Variants in SDC2 observed in about 807,000 individuals in gnomAD.
The protein encoded by SDC2 is syndecan-2.
Under a neutral mutation model 22.2 loss-of-function variants are expected in SDC2, and 13 were observed. The ratio of observed to expected loss-of-function variants is 0.59; its 90% confidence interval spans 0.38 to 0.93. The LOEUF (loss-of-function observed/expected upper bound fraction) is 0.93, where lower values mean the gene tolerates loss of function less well. SDC2 is among the 40% of genes least tolerant of loss of function. SDC2 has a pLI of 0.00. For missense variants in SDC2, 235 were observed against 246.8 expected (o/e 0.95, Z 0.32); for synonymous variants, 94 against 92.8 (o/e 1.01, Z -0.07).
intron 3 of SDC2, among the ~76,000 whole-genome samples, chr8:96,603,562 T>G (rs1452226227): frequency 2.0e-5 from 3 of 152,210 alleles, no homozygotes; most frequent in Non-Finnish European, 4.4e-5. Flanking sequence ...TATGGAAGGC[T>G]GTTTGATGAA....
intron 1 of SDC2, among the ~76,000 whole-genome samples, chr8:96,513,417 A>G (rs923819091): frequency 3.3e-5 from 5 of 152,202 alleles, no homozygotes; most frequent in Non-Finnish European, 7.3e-5. Context: ...CTGAGCCTTC[A>G]CAGGCTGCTT....
intron 1 of SDC2, among the ~76,000 whole-genome samples, chr8:96,517,770 CAT>C (rs1491463400): frequency 2.2e-4 from 16 of 73,318 alleles, no homozygotes; most frequent in South Asian, 1.0e-3. Flanking sequence ...TGTGTGTGTG[CAT>C]GTGTGTGTGT....
intron 1 of SDC2, among the ~76,000 whole-genome samples, chr8:96,583,368 T>TCA (rs1814624834): frequency 7.2e-6 from 1 of 138,090 alleles, no homozygotes; most frequent in African/African-American, 2.6e-5. Context: ...ATATTATATA[T>TCA]CATATATAAA....
At chr8:96,562,342 A>C (rs1194127023) in intron 1 of SDC2, among the ~76,000 whole-genome samples, 1 of 152,148 alleles carries the variant, frequency 6.6e-6, no homozygotes, top group Non-Finnish European at 1.5e-5. Context: ...ACAGCCTTTC[A>C]GTGACTTAAT....
rs533997172 is a variant in SDC2 at position 96,608,153 on chromosome 8, A to G, written c.307-182A>G. 9.2e-5 allele frequency among the ~76,000 whole-genome samples: 14 copies of G among 152,306 alleles called. No homozygotes were observed. The South Asian group carries it at 2.9e-3, about 32-fold the overall frequency. The stretch of plus-strand genomic sequence containing the variant: ...GCGATGGGTGTTGTGCAAACCATGA[A>G]CTACATGGGTCCATCATGACACTCA... On this transcript the variant is annotated intron_variant, in intron 3 of 4. Coordinates refer to ENST00000302190, the MANE Select transcript of SDC2 (RefSeq NM_002998.4).
At chr8:96,564,149 C>A (rs1814256562) in intron 1 of SDC2, among the ~76,000 whole-genome samples, 1 of 152,152 alleles carries the variant, frequency 6.6e-6, no homozygotes, top group African/African-American at 2.4e-5. Flanking sequence ...AAAGGTTTTG[C>A]ATTTTAGTGT....
intron 1 of SDC2, among the ~76,000 whole-genome samples, chr8:96,549,410 A>G (rs936361886): frequency 2.0e-5 from 3 of 152,202 alleles, no homozygotes; most frequent in East Asian, 3.9e-4. Context: ...AAGCCTTATC[A>G]TGTAGATAGC....
At chr8:96,523,940 G>C (rs1267496470) in intron 1 of SDC2, among the ~76,000 whole-genome samples, 1 of 152,082 alleles carries the variant, frequency 6.6e-6, no homozygotes, top group Admixed American at 6.6e-5. Context: ...AGACACTCAG[G>C]GTGGCCACAA....
At chr8:96,495,794 C>T (rs1376128225) in intron 1 of SDC2, among the ~76,000 whole-genome samples, 1 of 152,046 alleles carries the variant, frequency 6.6e-6, no homozygotes, top group Non-Finnish European at 1.5e-5. Context: ...CCCATACGTT[C>T]TTTGTGGTTG....
At chr8:96,494,876 A>G (rs540785421) in intron 1 of SDC2, among the ~76,000 whole-genome samples, 6 of 152,326 alleles carry the variant, frequency 3.9e-5, no homozygotes, top group Admixed American at 3.3e-4. Flanking sequence ...AAAAGTTTGC[A>G]AAAGTTCTTT....
chr8:96,501,295 CTTTTTTTTTTTTTT>C (rs35998270), intron 1 of SDC2, among the ~76,000 whole-genome samples: 51 of 55,160 alleles, frequency 9.2e-4, no homozygotes, highest in African/African-American at 1.3e-3. Flanking sequence ...ATACGTATTT[CTTTTTTTTTTTTTT>C]TTTTTTTTTT....
At chr8:96,596,151 G>T (rs1423096442) in intron 2 of SDC2, among the ~76,000 whole-genome samples, 1 of 152,222 alleles carries the variant, frequency 6.6e-6, no homozygotes, top group Non-Finnish European at 1.5e-5. Flanking sequence ...AGATTCACTT[G>T]CCTCAGGTCA....
intron 2 of SDC2, among the ~76,000 whole-genome samples, chr8:96,597,978 T>C (rs1409045320): frequency 1.3e-5 from 2 of 152,254 alleles, no homozygotes; most frequent in African/African-American, 4.8e-5. Flanking sequence ...TTCAGGTTGC[T>C]ATAGCAAAAT....
At chr8:96,604,066 AT>A (rs918445374) in intron 3 of SDC2, among the ~76,000 whole-genome samples, 7 of 152,194 alleles carry the variant, frequency 4.6e-5, no homozygotes, top group Non-Finnish European at 5.9e-5. Flanking sequence ...CTCTTACCAC[AT>A]TTTTATTTGA....
intron 1 of SDC2, among the ~76,000 whole-genome samples, chr8:96,578,802 TAAAG>T (rs542919254): frequency 2.6e-4 from 40 of 151,764 alleles, no homozygotes; most frequent in Non-Finnish European, 3.4e-4. Context: ...GTTGAAAAAA[TAAAG>T]AAAGAAAGAA....
At chr8:96,606,822 T>C (rs1034358438) in intron 3 of SDC2, among the ~76,000 whole-genome samples, 2 of 152,064 alleles carry the variant, frequency 1.3e-5, no homozygotes, top group African/African-American at 4.8e-5. Flanking sequence ...AGAGAAGGCT[T>C]CATTAAGGAC....
intron 2 of SDC2, among the ~76,000 whole-genome samples, chr8:96,602,098 A>G (rs1172026119): frequency 6.6e-6 from 1 of 152,204 alleles, no homozygotes; most frequent in Non-Finnish European, 1.5e-5. Context: ...GTTTCAGTGT[A>G]GATGGGAAAA....
chr8:96,572,680 A>G (rs989691985), intron 1 of SDC2, among the ~76,000 whole-genome samples: 2 of 152,018 alleles, frequency 1.3e-5, no homozygotes, highest in Admixed American at 1.3e-4. Flanking sequence ...CCATCCCACA[A>G]TTTCTAGATT....
chr8:96,535,704 A>C (rs570791599), intron 1 of SDC2, among the ~76,000 whole-genome samples: 4 of 152,348 alleles, frequency 2.6e-5, no homozygotes, highest in Admixed American at 6.5e-5. Context: ...CTCTGGAAGT[A>C]GGTAAAAGTT....
Sources: gnomAD v4.1 joint callset for allele counts (sites outside exome capture counted in the v4.1 genomes callset) on GRCh38, gnomAD v4.1.1 for gene constraint, MANE v1.5 for transcripts, NCBI Gene and HGNC (gene_info 2026-07-23, HGNC 2026-07-21) for gene names.